The following MCM10 variants were observed in gnomAD, a reference collection of about 807,000 sequenced individuals.
The protein encoded by MCM10 is minichromosome maintenance 10 replication initiation factor, also known as protein MCM10 homolog.
MCM10 carries 91 observed loss-of-function variants against 109.9 expected under a neutral mutation model. The ratio of observed to expected loss-of-function variants is 0.83; its 90% CI spans 0.70 to 0.99. The LOEUF (loss-of-function observed/expected upper bound fraction) is 0.99. MCM10 is among the 50% of genes least tolerant of loss of function. MCM10 has a pLI of 0.00. For synonymous variants in MCM10, 380 were observed against 387.2 expected (o/e 0.98, Z 0.22); for missense variants, 1,077 against 1,061.2 (o/e 1.01, Z -0.21).
intron 6 of MCM10, among the ~76,000 whole-genome samples, chr10:13,179,732 A>G (rs899851143): frequency 6.6e-6 from 1 of 152,234 alleles, no homozygotes; most frequent in Non-Finnish European, 1.5e-5. Context: ...TGTCTTTAAA[A>G]AAAATTCAAT....
intron 1 of MCM10, among the ~76,000 whole-genome samples, chr10:13,162,711 C>T (rs1833943444): frequency 6.6e-6 from 1 of 152,200 alleles, no homozygotes; most frequent in East Asian, 1.9e-4. Context: ...AGGAAGCTTA[C>T]TGTCCAATAG....
intron 6 of MCM10, 35 bp downstream of exon 6, chr10:13,175,716 G>T (rs776459059): frequency 6.7e-7 from 1 of 1,491,250 alleles, no homozygotes; most frequent in South Asian, 1.3e-5. Flanking sequence ...TGTGCGCCAC[G>T]GCATAGCTTT....
intron 15 of MCM10, among the ~76,000 whole-genome samples, 188 bp downstream of exon 15, chr10:13,197,955 C>T (rs1834444921): frequency 6.7e-6 from 1 of 149,900 alleles, no homozygotes; most frequent in South Asian, 2.1e-4. Context: ...GCTCTGTTGC[C>T]AGGCTAGAGT....
intron 2 of MCM10, among the ~76,000 whole-genome samples, chr10:13,165,811 G>T (rs1312944150): frequency 6.7e-6 from 1 of 148,642 alleles, no homozygotes; most frequent in African/African-American, 2.5e-5. Context: ...GGAGGCAGAG[G>T]TTGCATTGCA....
intron 6 of MCM10, among the ~76,000 whole-genome samples, chr10:13,178,340 C>T (rs1588469383): frequency 6.6e-6 from 1 of 152,216 alleles, no homozygotes; most frequent in Middle Eastern, 3.2e-3. Context: ...CCACCTGCCT[C>T]GGCCTCCCAA....
At chr10:13,186,310 T>C (rs1250854688) in intron 9 of MCM10, 30 bp downstream of exon 9, 4 of 1,446,614 alleles carry the variant, frequency 2.8e-6, no homozygotes, top group Non-Finnish European at 2.9e-6. Flanking sequence ...GGATGGTTTC[T>C]GCTAAAGAAA....
chr10:13,208,468 G>T (rs900283477), intron 18 of MCM10, among the ~76,000 whole-genome samples: 1 of 149,838 alleles, frequency 6.7e-6, no homozygotes, highest in African/African-American at 2.5e-5. Flanking sequence ...AGTGGCTCAC[G>T]CCCGTAATCC....
rs1478569046 is a variant in MCM10, at chr10:13,182,920, CTA to C, written c.931-11_931-10del. 2 of 1,604,718 alleles carry C rather than the reference CTA, an allele frequency of 1.2e-6. No homozygotes were observed. Among genetic ancestry groups the C allele is most frequent in the Non-Finnish European group, 8.5e-7 (1 of 1,174,494 alleles). On this transcript the variant is annotated splice_polypyrimidine_tract_variant and intron_variant, in intron 7 of 19. Coordinates refer to ENST00000378714, the MANE Select transcript of MCM10 (RefSeq NM_018518.5). This position sits in a 1 kb window ranked among gnomAD's most constrained non-coding sequence, Gnocchi z 4.2. ...TACAGTTCAAAATTATAAAAAATAA[CTA>C]TTTGTTCCAGGGAAAAACCTTCAGC... is the stretch of plus-strand genomic sequence containing the variant.
rs1243447518 is a variant in MCM10 at position 13,211,080 on chromosome 10, C to CT, written c.*1774dup. The CT allele has an allele frequency of 1.3e-5, 2 of 152,084 alleles. No homozygotes were observed. Among genetic ancestry groups the CT allele is most frequent in the East Asian group, 3.8e-4 (2 of 5,198 alleles). The allele number at this position is 152,084 out of a possible 1,614,324, so 9.4% of individuals were successfully genotyped here. A position where few individuals can be genotyped will look rare whatever the true frequency, so the allele number is the denominator to read the frequency against. Reference sequence around the variant, plus strand: ...ATGCCTTTTTACAATTTGATTTTAACTTTTAAAATAAATTTAAAACATAAT... The same window carrying CT: ...ATGCCTTTTTACAATTTGATTTTAACTTTTTAAAATAAATTTAAAACATAAT... On this transcript the variant is annotated 3_prime_UTR_variant, in exon 20 of 20. Transcript: ENST00000378714.
At chr10:13,164,427 TA>T (rs1225695579) in intron 2 of MCM10, among the ~76,000 whole-genome samples, 6 of 152,342 alleles carry the variant, frequency 3.9e-5, no homozygotes, top group African/African-American at 1.4e-4. Flanking sequence ...TTGTCTTTCA[TA>T]ATTACAATAG....
chr10:13,171,087 A>T lies in MCM10; in HGVS notation c.173A>T (p.Glu58Val). 1.2e-6 allele frequency: 2 copies of T among 1,614,228 alleles called. No individual in the cohort carries two copies. Among genetic ancestry groups the T allele is most frequent in the Non-Finnish European group, 1.7e-6 (2 of 1,180,040 alleles). Reference sequence around the variant, plus strand: ...GGCGACGGTGAATCTTATACAGAAGAGGCTGATGATGGAGAAACAGGAGAG... The same window carrying T: ...GGCGACGGTGAATCTTATACAGAAGTGGCTGATGATGGAGAAACAGGAGAG... The part of the protein sequence containing the change: ...ADGDGESYTE[E>V]ADDGETGETR... Residue 58 changes from glutamate (E) to valine (V), a missense_variant, in exon 3 of 20, where the codon GAG (glutamate) becomes GTG (valine). Physicochemically the swap from Glu to Val is moderately radical, Grantham distance 121. Coordinates refer to ENST00000378714, the MANE Select transcript of MCM10 (RefSeq NM_018518.5).
chr10:13,191,114 C>T (rs1834341418), intron 10 of MCM10, among the ~76,000 whole-genome samples, 185 bp from the exon 11 acceptor site: 1 of 152,112 alleles, frequency 6.6e-6, no homozygotes, highest in Non-Finnish European at 1.5e-5. Flanking sequence ...TCTAGCTTTT[C>T]CTCTGTGACA....
At chr10:13,164,358 A>G in intron 2 of MCM10, 149 bp downstream of exon 2, 1 of 602,404 alleles carries the variant, frequency 1.7e-6, no homozygotes, top group Non-Finnish European at 2.7e-6. Flanking sequence ...CTCACATCTC[A>G]CAGAGGTCAC....
intron 18 of MCM10, among the ~76,000 whole-genome samples, chr10:13,206,971 A>ATT (rs1377436919): frequency 6.6e-6 from 1 of 151,932 alleles, no homozygotes; most frequent in Non-Finnish European, 1.5e-5. Context: ...CACCCAGCTA[A>ATT]TTTTTTTAAT....
At chr10:13,167,219 A>G (rs1834013174) in intron 2 of MCM10, among the ~76,000 whole-genome samples, 1 of 152,198 alleles carries the variant, frequency 6.6e-6, no homozygotes, top group South Asian at 2.1e-4. Flanking sequence ...CAGGGAGCTG[A>G]GTCTTTAGAA....
intron 6 of MCM10, among the ~76,000 whole-genome samples, chr10:13,176,034 C>T (rs989182429): frequency 4.6e-5 from 7 of 152,128 alleles, no homozygotes; most frequent in African/African-American, 1.7e-4. Context: ...TTTTTAAATA[C>T]ACAGACAGTT....
chr10:13,198,920 G>A (rs1834459850), intron 16 of MCM10, 113 bp downstream of exon 16: 1 of 736,930 alleles, frequency 1.4e-6, no homozygotes, highest in African/African-American at 1.8e-5. Flanking sequence ...TTCTGAGACA[G>A]AGTCTCAGTC....
chr10:13,188,389 ACCAGCT>A (rs1834302332), intron 9 of MCM10, among the ~76,000 whole-genome samples: 1 of 152,180 alleles, frequency 6.6e-6, no homozygotes, highest in Non-Finnish European at 1.5e-5. Context: ...TTGTGTAACC[ACCAGCT>A]CCCTGGTTTC....
chr10:13,171,636 G>T (rs1834074413), intron 3 of MCM10, among the ~76,000 whole-genome samples: 1 of 152,170 alleles, frequency 6.6e-6, no homozygotes, highest in African/African-American at 2.4e-5. Flanking sequence ...TTTGACACAT[G>T]TTCTTTTCTC....
Sources: gnomAD v4.1 joint callset for allele counts (sites outside exome capture counted in the v4.1 genomes callset) on GRCh38, gnomAD v4.1.1 for gene constraint, Gnocchi (gnomAD v3.1) non-coding constraint, MANE v1.5 for transcripts, NCBI Gene and HGNC (gene_info 2026-07-23, HGNC 2026-07-21) for gene names.